The following ZNF804B variants were observed in gnomAD, a reference collection of about 807,000 sequenced individuals.
ZNF804B encodes the protein zinc finger 804B.
Under a neutral mutation model 101.4 loss-of-function variants are expected in ZNF804B, and 80 were observed. The observed-to-expected ratio is 0.79, with a 90% CI of 0.66 to 0.95. The LOEUF is 0.95. ZNF804B is among the 40% of genes least tolerant of loss of function. The pLI, the probability that ZNF804B is intolerant of heterozygous loss-of-function variation, is 0.00. For missense variants in ZNF804B, 1,673 were observed against 1,561.9 expected (o/e 1.07, Z -1.20); for synonymous variants, 622 against 558.8 (o/e 1.11, Z -1.59).
At chr7:89,145,545 C>T in intron 1 of ZNF804B, among the ~76,000 whole-genome samples, 1 of 152,034 alleles carries the variant, frequency 6.6e-6, no homozygotes, top group East Asian at 1.9e-4. Flanking sequence ...TTTTCTAATT[C>T]AGGTATTATT....
At chr7:88,843,764 A>T (rs188558562) in intron 1 of ZNF804B, among the ~76,000 whole-genome samples, 4 of 152,228 alleles carry the variant, frequency 2.6e-5, no homozygotes, top group South Asian at 2.1e-4. Context: ...AAATAATAAA[A>T]TAACAAATGA....
At chr7:88,764,577 T>C (rs1403113676) in intron 1 of ZNF804B, among the ~76,000 whole-genome samples, 1 of 152,160 alleles carries the variant, frequency 6.6e-6, no homozygotes, top group Non-Finnish European at 1.5e-5. Flanking sequence ...AATGTATATC[T>C]ATAAATGAAA....
intron 1 of ZNF804B, among the ~76,000 whole-genome samples, chr7:89,117,641 C>T (rs551790659): frequency 6.6e-6 from 1 of 152,198 alleles, no homozygotes; most frequent in South Asian, 2.1e-4. Context: ...CCTTTTTAGC[C>T]ATAATGTTGA....
At chr7:88,862,983 G>A (rs920934629) in intron 1 of ZNF804B, among the ~76,000 whole-genome samples, 3 of 152,120 alleles carry the variant, frequency 2.0e-5, no homozygotes, top group African/African-American at 7.2e-5. Context: ...GCCTAATCAT[G>A]TCACTTCCCC....
At chr7:89,220,825 C>T (rs1432200900) in intron 2 of ZNF804B, among the ~76,000 whole-genome samples, 1 of 151,886 alleles carries the variant, frequency 6.6e-6, no homozygotes, top group Non-Finnish European at 1.5e-5. Flanking sequence ...ATATTTTAAT[C>T]TATAGGTTTT....
rs146966554 is a variant in ZNF804B at position 88,896,860 on chromosome 7, G to C, written c.108+136776G>C. On this transcript the variant is annotated intron_variant, in intron 1 of 3. Transcript: ENST00000333190. Reference sequence around the variant, plus strand: ...AATTTATTTGGCAGGGCATTTGAAAGGGTATGCTTTGAGAATTATGCATGT... The same window carrying C: ...AATTTATTTGGCAGGGCATTTGAAACGGTATGCTTTGAGAATTATGCATGT... Among the ~76,000 whole-genome samples the C allele has an allele frequency of 4.5e-3, 687 of 152,268 alleles. 6 individuals carry two copies. Among genetic ancestry groups the C allele is most frequent in the African/African-American group, 0.016 (657 of 41,560 alleles).
intron 1 of ZNF804B, among the ~76,000 whole-genome samples, chr7:88,773,243 T>C (rs540301011): frequency 2.0e-5 from 3 of 152,324 alleles, no homozygotes; most frequent in African/African-American, 4.8e-5. Flanking sequence ...AATTTTCCCC[T>C]GAGCTAAGTG....
At position 89,108,578 on chromosome 7, in the gene ZNF804B, G is replaced by T. The variant is rs1325599968; in HGVS notation, c.109-109577G>T. Among the ~76,000 whole-genome samples the T allele has an allele frequency of 2.0e-5, 3 of 152,202 alleles. No homozygotes were observed. The East Asian group carries it at 5.8e-4, about 29-fold the overall frequency. Reference sequence around the variant, plus strand: ...CATCTCTGGAAAAGTGATCTTATTTGGAAATACAGTAGCAATGCAACACGT... The same window carrying T: ...CATCTCTGGAAAAGTGATCTTATTTTGAAATACAGTAGCAATGCAACACGT... On this transcript the variant is annotated intron_variant, in intron 1 of 3. Transcript: ENST00000333190.
chr7:89,041,155 T>G (rs6962180), intron 1 of ZNF804B, among the ~76,000 whole-genome samples: 129,564 of 152,086 alleles, frequency 0.85, 55,670 homozygotes, highest in African/African-American at 0.96. Flanking sequence ...CCTCACACTG[T>G]GTCAGGCTTT....
At chr7:89,147,872 C>T (rs10808076) in intron 1 of ZNF804B, among the ~76,000 whole-genome samples, 1 of 150,996 alleles carries the variant, frequency 6.6e-6, no homozygotes, top group Non-Finnish European at 1.5e-5. Context: ...CAGGAAAACA[C>T]GCTCAGGGCT....
At chr7:89,177,024 C>CT (rs1369837080) in intron 1 of ZNF804B, among the ~76,000 whole-genome samples, 1 of 151,864 alleles carries the variant, frequency 6.6e-6, no homozygotes, top group Admixed American at 6.6e-5. Flanking sequence ...CAGTCTTCTC[C>CT]TTTTTTTGTT....
At chr7:89,251,743 G>T (rs2115789740) in intron 2 of ZNF804B, among the ~76,000 whole-genome samples, 1 of 152,226 alleles carries the variant, frequency 6.6e-6, no homozygotes, top group East Asian at 1.9e-4. Flanking sequence ...GGAGAACCCA[G>T]AAATGAAGCT....
At chr7:88,885,332 T>C (rs1224826044) in intron 1 of ZNF804B, among the ~76,000 whole-genome samples, 1 of 151,826 alleles carries the variant, frequency 6.6e-6, no homozygotes, top group Non-Finnish European at 1.5e-5. Context: ...CTAGCTTGTA[T>C]TTACTATGCT....
intron 1 of ZNF804B, among the ~76,000 whole-genome samples, chr7:89,194,139 T>C (rs1329625249): frequency 6.6e-6 from 1 of 152,040 alleles, no homozygotes; most frequent in Non-Finnish European, 1.5e-5. Context: ...TCTTGTCCTT[T>C]GCCCACTTTT....
chr7:88,943,368 A>G (rs1352093873), intron 1 of ZNF804B, among the ~76,000 whole-genome samples: 1 of 151,858 alleles, frequency 6.6e-6, no homozygotes, highest in Non-Finnish European at 1.5e-5. Flanking sequence ...ATGCACCACA[A>G]TATCCTTTCC....
intron 1 of ZNF804B, among the ~76,000 whole-genome samples, chr7:88,927,675 G>A (rs1401681183): frequency 6.6e-6 from 1 of 151,922 alleles, no homozygotes; most frequent in Non-Finnish European, 1.5e-5. Flanking sequence ...TGATCTAGGT[G>A]TTACAGTTTC....
intron 2 of ZNF804B, among the ~76,000 whole-genome samples, chr7:89,321,877 CTAAG>C (rs2115969932): frequency 6.6e-6 from 1 of 152,076 alleles, no homozygotes; most frequent in South Asian, 2.1e-4. Flanking sequence ...CATACCAACA[CTAAG>C]TAATAGAAAA....
At chr7:88,803,028 C>G (rs1790613812) in intron 1 of ZNF804B, among the ~76,000 whole-genome samples, 1 of 152,040 alleles carries the variant, frequency 6.6e-6, no homozygotes, top group Middle Eastern at 3.4e-3. Context: ...GATTCCCAAC[C>G]TTATTTTTAA....
intron 1 of ZNF804B, among the ~76,000 whole-genome samples, chr7:89,020,656 C>A (rs184648411): frequency 1.3e-5 from 2 of 152,186 alleles, no homozygotes; most frequent in Admixed American, 6.5e-5. Flanking sequence ...GTTTTCTATA[C>A]CTTTTCACTT....
Sources: allele counts gnomAD v4.1 joint callset (sites outside exome capture counted in the v4.1 genomes callset), GRCh38; gene constraint gnomAD v4.1.1; transcripts MANE v1.5; gene names NCBI Gene and HGNC (gene_info 2026-07-23, HGNC 2026-07-21).